RALGPS1: variants seen among roughly 807,000 people sequenced by gnomAD.
The protein encoded by RALGPS1 is Ral GEF with PH domain and SH3 binding motif 1.
A neutral mutation model predicts 78.8 loss-of-function variants in RALGPS1; 19 were observed. The ratio of observed to expected loss-of-function variants is 0.24; its 90% CI spans 0.17 to 0.35. The LOEUF (loss-of-function observed/expected upper bound fraction) is 0.35. Among genes scored for constraint, RALGPS1 ranks in the 10% least tolerant of loss-of-function variants. RALGPS1 has a pLI of 1.00. For synonymous variants in RALGPS1, 228 were observed against 256.3 expected (o/e 0.89, Z 1.06); for missense variants, 454 against 688.3 (o/e 0.66, Z 3.81).
intron 14 of RALGPS1, chr9:127,210,450 A>G (rs2062178911): frequency 1.8e-6 from 1 of 551,364 alleles, no homozygotes; most frequent in African/African-American, 1.9e-5. Flanking sequence ...GTGAACACTC[A>G]ATAAAAAGTT....
rs563125136 is a variant in RALGPS1 at position 126,965,804 on chromosome 9, A to G, written c.58-40A>G. 23 of 1,483,780 alleles carry G rather than the reference A, an allele frequency of 1.6e-5. No homozygotes were observed. In the East Asian group the frequency reaches 1.6e-4, roughly 10 times the overall value. 91.9% of individuals were successfully genotyped at this position (1,483,780 alleles called of 1,614,324 possible). ...GTTTGGGAGGCAATGATTCCACGTC[A>G]TATCATTCAGTTGGCACCATCTTTC... On this transcript the variant is annotated intron_variant, in intron 2 of 18. Coordinates refer to ENST00000259351, the MANE Select transcript of RALGPS1 (RefSeq NM_014636.3).
At chr9:127,177,674 A>T (rs141470996) in intron 11 of RALGPS1, among the ~76,000 whole-genome samples, 1 of 152,322 alleles carries the variant, frequency 6.6e-6, no homozygotes, top group Non-Finnish European at 1.5e-5. Flanking sequence ...ACCTGGAGCC[A>T]GGCTTAGAAA....
chr9:126,961,589 A>C (rs1227826793), intron 1 of RALGPS1, among the ~76,000 whole-genome samples: 1 of 152,140 alleles, frequency 6.6e-6, no homozygotes, highest in Admixed American at 6.5e-5. Context: ...GGATTGCTTG[A>C]GCTCAGGAGT....
At chr9:127,021,193 G>T (rs1170607611) in intron 4 of RALGPS1, among the ~76,000 whole-genome samples, 1 of 152,044 alleles carries the variant, frequency 6.6e-6, no homozygotes, top group Non-Finnish European at 1.5e-5. Context: ...TTTAAGGCCA[G>T]CCTAAGCAAT....
intron 7 of RALGPS1, 39 bp from the exon 8 acceptor site, chr9:127,069,191 C>T: frequency 3.2e-6 from 5 of 1,557,130 alleles, no homozygotes; most frequent in Non-Finnish European, 3.5e-6. Flanking sequence ...TTAGCTTCTT[C>T]TGGTTTACTT....
intron 1 of RALGPS1, among the ~76,000 whole-genome samples, chr9:126,958,774 G>A (rs979949636): frequency 6.6e-6 from 1 of 152,238 alleles, no homozygotes; most frequent in Admixed American, 6.5e-5. Flanking sequence ...TTTTTAGGTA[G>A]ATACCTAGGA....
intron 14 of RALGPS1, among the ~76,000 whole-genome samples, chr9:127,209,787 G>A (rs374471723): frequency 6.6e-5 from 10 of 152,258 alleles, no homozygotes; most frequent in African/African-American, 2.2e-4. Context: ...GTGTGAGGGC[G>A]GCCCCACACT....
chr9:126,958,142 A>AAAAAAAAAAAAAAT (rs113413659), intron 1 of RALGPS1, among the ~76,000 whole-genome samples: 45 of 77,058 alleles, frequency 5.8e-4, no homozygotes, highest in Middle Eastern at 6.7e-3. Flanking sequence ...AAAAAAAAAA[A>AAAAAAAAAAAAAAT]ATATATATAT....
At chr9:127,017,109 T>C (rs1209770967) in intron 4 of RALGPS1, 1 of 152,258 alleles carries the variant, frequency 6.6e-6, no homozygotes, top group African/African-American at 2.4e-5. Context: ...TTTGAAAAGA[T>C]AATATCTTGG....
chr9:127,216,934 G>A (rs780787112), intron 18 of RALGPS1: 1 of 1,547,992 alleles, frequency 6.5e-7, no homozygotes. Flanking sequence ...GGTCCAACAG[G>A]AACTGACAGC....
At chr9:126,977,422 C>T (rs1198350095) in intron 3 of RALGPS1, among the ~76,000 whole-genome samples, 1 of 152,108 alleles carries the variant, frequency 6.6e-6, no homozygotes, top group Admixed American at 6.5e-5. Context: ...CCTTTTCTCC[C>T]AGGCCCACCC....
chr9:126,997,581 ATGACCATAC>A (rs2042891302), intron 4 of RALGPS1, among the ~76,000 whole-genome samples: 1 of 152,236 alleles, frequency 6.6e-6, no homozygotes. Context: ...TATCGTGAAA[ATGACCATAC>A]TGCCCAAGGT....
chr9:127,168,670 C>A lies in RALGPS1; in HGVS notation c.749-9C>A. ...CCTAAAGTTTCTGGATGTGGTCCAC[C>A]TTTTGCAGATCACCTCACCACCCTG... On this transcript the variant is annotated splice_polypyrimidine_tract_variant and intron_variant, in intron 9 of 18. Transcript: ENST00000259351. 1 of 1,598,238 alleles carries A rather than the reference C, an allele frequency of 6.3e-7. No individual in the cohort carries two copies. The highest frequency in any genetic ancestry group is 1.1e-5 in the South Asian group (1 of 90,734).
At chr9:126,974,956 C>G (rs928157663) in intron 3 of RALGPS1, among the ~76,000 whole-genome samples, 4 of 151,288 alleles carry the variant, frequency 2.6e-5, no homozygotes, top group African/African-American at 9.7e-5. Flanking sequence ...CAACCCCTAC[C>G]CATACTTCCC....
At chr9:127,118,993 C>T (rs1451559036) in intron 8 of RALGPS1, among the ~76,000 whole-genome samples, 2 of 152,182 alleles carry the variant, frequency 1.3e-5, no homozygotes, top group Non-Finnish European at 1.5e-5. Flanking sequence ...CCTCCAAGTA[C>T]GGATGTAGAA....
intron 8 of RALGPS1, chr9:127,108,453 G>T: frequency 6.2e-7 from 1 of 1,611,202 alleles, no homozygotes; most frequent in East Asian, 2.2e-5. Flanking sequence ...GCAGCTCATT[G>T]TTGAGCAGCT....
At chr9:127,048,223 C>G (rs1484533056) in intron 5 of RALGPS1, among the ~76,000 whole-genome samples, 1 of 152,160 alleles carries the variant, frequency 6.6e-6, no homozygotes, top group Non-Finnish European at 1.5e-5. Flanking sequence ...AACCCCCACC[C>G]ACAGCACTCC....
rs754810368 is a variant in RALGPS1, at chr9:127,219,085, A to G, written c.*316A>G. The G allele has an allele frequency of 1.4e-4, 63 of 443,798 alleles. No individual in the cohort carries two copies. The highest frequency in any genetic ancestry group is 2.2e-4 in the Non-Finnish European group (53 of 238,262). The allele number at this position is 443,798 out of a possible 1,614,324, so 27.5% of individuals were successfully genotyped here. A position where few individuals can be genotyped will look rare whatever the true frequency, so the allele number is the denominator to read the frequency against. Reference sequence around the variant, plus strand: ...AGCACCCGGCCCACGTTGGGTTCTCAGTGCTTTCTACTGCACAGAGTGGAC... The same window carrying G: ...AGCACCCGGCCCACGTTGGGTTCTCGGTGCTTTCTACTGCACAGAGTGGAC... On this transcript the variant is annotated 3_prime_UTR_variant, in exon 19 of 19. Transcript: ENST00000259351. This position sits in a 1 kb window ranked among gnomAD's most constrained non-coding sequence, Gnocchi z 5.0.
chr9:127,016,953 C>T (rs528524441), intron 4 of RALGPS1: 1 of 152,152 alleles, frequency 6.6e-6, no homozygotes, highest in South Asian at 2.1e-4. Flanking sequence ...AATATGGTGG[C>T]TGCATGTGGC....
Sources: gnomAD v4.1 joint callset for allele counts (sites outside exome capture counted in the v4.1 genomes callset) on GRCh38, gnomAD v4.1.1 for gene constraint, Gnocchi (gnomAD v3.1) non-coding constraint, MANE v1.5 for transcripts, NCBI Gene and HGNC (gene_info 2026-07-23, HGNC 2026-07-21) for gene names.